APPL1: variants seen among roughly 807,000 people sequenced by gnomAD.
The protein encoded by APPL1 is DCC-interacting protein 13-alpha.
Under a neutral mutation model 106.8 loss-of-function variants are expected in APPL1, and 42 were observed. The ratio of observed to expected loss-of-function variants is 0.39; its 90% CI spans 0.31 to 0.51. The LOEUF is 0.51. APPL1 is among the 20% of genes least tolerant of loss of function. The pLI, the probability that APPL1 is intolerant of heterozygous loss-of-function variation, is 0.75. For missense variants in APPL1, 769 were observed against 858.2 expected, an observed-to-expected ratio of 0.90 and a Z score of 1.30; for synonymous variants, 263 against 281.8, an observed-to-expected ratio of 0.93 and a Z score of 0.67.
intron 19 of APPL1, among the ~76,000 whole-genome samples, chr3:57,265,580 C>T (rs1283730065): frequency 1.3e-5 from 2 of 152,182 alleles, no homozygotes; most frequent in Admixed American, 1.3e-4. Context: ...TATAGAAATG[C>T]TACTAATTGT....
At chr3:57,229,750 G>C (rs914791953) in intron 1 of APPL1, among the ~76,000 whole-genome samples, 17 of 105,890 alleles carry the variant, frequency 1.6e-4, no homozygotes, top group African/African-American at 6.2e-4. Context: ...TTTTGCTCTT[G>C]TTGCCCAGGC....
At chr3:57,262,769 G>A (rs1424141941) in intron 19 of APPL1, among the ~76,000 whole-genome samples, 1 of 151,568 alleles carries the variant, frequency 6.6e-6, no homozygotes, top group Non-Finnish European at 1.5e-5. Context: ...CTAAAATGGT[G>A]AAAGTAGGAT....
rs532555535 is a variant in APPL1 at position 57,245,837 on chromosome 3, G to A, written c.475-239G>A. Among the ~76,000 whole-genome samples, 33 of 152,182 alleles carry A rather than the reference G, an allele frequency of 2.2e-4. 1 individual carries two copies. In the South Asian group the frequency reaches 6.8e-3, roughly 32 times the overall value. ...TGGGATTACAGGCATGAGCCACCAC[G>A]CCTGGGCTCAATGTGCATTTTGTAA... On this transcript the variant is annotated intron_variant, in intron 7 of 21. Coordinates refer to ENST00000288266, the MANE Select transcript of APPL1 (RefSeq NM_012096.3).
intron 19 of APPL1, among the ~76,000 whole-genome samples, chr3:57,264,574 A>T (rs994772329): frequency 1.5e-4 from 22 of 144,432 alleles, no homozygotes; most frequent in Admixed American, 4.6e-4. Context: ...AAAAAAAAAT[A>T]AAAAAAATAA....
In APPL1 at chr3:57,247,443, G is replaced by C; in HGVS notation, c.670G>C (p.Glu224Gln). ...TGAAAATCTTAATGAACAACTGGAA[G>C]AATTTTTAGCTAATATTGGAACAAG... is the stretch of plus-strand genomic sequence containing the variant. ...GSENLNEQLE[E>Q]FLANIGTSVQ... Residue 224 changes from glutamate (E) to glutamine (Q), a missense_variant, in exon 9 of 22, where the codon GAA becomes CAA. Transcript: ENST00000288266. 6.2e-7 allele frequency: 1 copy of C among 1,611,282 alleles called. No homozygotes were observed. The highest frequency in any genetic ancestry group is 8.5e-7 in the Non-Finnish European group (1 of 1,178,148).
At chr3:57,253,764 A>G in intron 13 of APPL1, 26 bp downstream of exon 13, 2 of 1,374,984 alleles carry the variant, frequency 1.5e-6, no homozygotes, top group Non-Finnish European at 1.9e-6. Flanking sequence ...TATGTTACCC[A>G]GATCTAGCAA....
At chr3:57,238,847 T>C (rs2060730567) in intron 4 of APPL1, among the ~76,000 whole-genome samples, 1 of 152,240 alleles carries the variant, frequency 6.6e-6, no homozygotes, top group Non-Finnish European at 1.5e-5. Context: ...CACAGTGCTA[T>C]GCAACCATAA....
At chr3:57,261,095 C>T (rs1355403999) in intron 19 of APPL1, among the ~76,000 whole-genome samples, 1 of 150,224 alleles carries the variant, frequency 6.7e-6, no homozygotes, top group Admixed American at 6.6e-5. Flanking sequence ...AGCTTTTCTT[C>T]ATCCTCCCCC....
chr3:57,233,914 A>G (rs951331745), intron 1 of APPL1, among the ~76,000 whole-genome samples: 1 of 152,044 alleles, frequency 6.6e-6, no homozygotes, highest in Non-Finnish European at 1.5e-5. Context: ...AGACCCTGTC[A>G]CTACAAAAAA....
At chr3:57,261,432 A>G (rs944140184) in intron 19 of APPL1, among the ~76,000 whole-genome samples, 10 of 152,218 alleles carry the variant, frequency 6.6e-5, no homozygotes, top group African/African-American at 1.9e-4. Flanking sequence ...GAGTGCAGGT[A>G]TCCTTTTGAT....
chr3:57,267,829 C>T, intron 20 of APPL1, 37 bp downstream of exon 20: 1 of 1,607,164 alleles, frequency 6.2e-7, no homozygotes, highest in Non-Finnish European at 8.5e-7. Context: ...CAGTGGTTCA[C>T]ACCTGTAATC....
chr3:57,267,843 G>A, intron 20 of APPL1, 51 bp downstream of exon 20: 2 of 1,593,608 alleles, frequency 1.3e-6, no homozygotes, highest in Non-Finnish European at 1.7e-6. Flanking sequence ...TGTAATCGCA[G>A]CACATTGGGA....
At position 57,269,482 on chromosome 3, in the gene APPL1, A is replaced by C. The variant is rs1579409218; in HGVS notation, c.1984-59A>C. 9 of 1,590,122 alleles carry C rather than the reference A, an allele frequency of 5.7e-6. No homozygotes were observed. In the East Asian group the frequency reaches 1.8e-4, roughly 32 times the overall value. The stretch of plus-strand genomic sequence containing the variant: ...GCTCTCAAGAATGTATCTTAACTGC[A>C]TAATTTGCCATTTGACTGCAGACAA... On this transcript the variant is annotated intron_variant, in intron 21 of 21. Transcript: ENST00000288266.
At chr3:57,237,195 AT>A (rs1432467475) in intron 2 of APPL1, among the ~76,000 whole-genome samples, 1 of 152,136 alleles carries the variant, frequency 6.6e-6, no homozygotes, top group Non-Finnish European at 1.5e-5. Context: ...TGCTCTAAAG[AT>A]TTTGCTAAGG....
intron 10 of APPL1, 84 bp from the exon 11 acceptor site, chr3:57,249,276 G>GT: frequency 1.4e-6 from 2 of 1,449,162 alleles, no homozygotes; most frequent in Non-Finnish European, 1.9e-6. Context: ...CCAGTTCATT[G>GT]TAACATGCTT....
At chr3:57,256,396 A>C (rs1301422433) in intron 13 of APPL1, among the ~76,000 whole-genome samples, 1 of 152,170 alleles carries the variant, frequency 6.6e-6, no homozygotes, top group East Asian at 1.9e-4. Context: ...AAGCTTTCTT[A>C]TTTTCAATTT....
At chr3:57,235,775 T>C (rs1357913932) in intron 2 of APPL1, 111 bp downstream of exon 2, 1 of 645,372 alleles carries the variant, frequency 1.5e-6, no homozygotes, top group African/African-American at 1.8e-5. Flanking sequence ...GTTAGGCTCA[T>C]AGTAATAAAT....
chr3:57,265,315 AATTTTTGT>A (rs890362405), intron 19 of APPL1, among the ~76,000 whole-genome samples: 124 of 151,926 alleles, frequency 8.2e-4, no homozygotes, highest in African/African-American at 2.8e-3. Context: ...CCACCTGGCT[AATTTTTGT>A]ATTTTTAGTA....
At chr3:57,263,346 A>G (rs2060877650) in intron 19 of APPL1, among the ~76,000 whole-genome samples, 1 of 151,830 alleles carries the variant, frequency 6.6e-6, no homozygotes, top group Non-Finnish European at 1.5e-5. Context: ...ATCAAATACC[A>G]GGTTTTATTC....
Sources: gnomAD v4.1 joint callset for allele counts (sites outside exome capture counted in the v4.1 genomes callset) on GRCh38, gnomAD v4.1.1 for gene constraint, MANE v1.5 for transcripts, NCBI Gene and HGNC (gene_info 2026-07-23, HGNC 2026-07-21) for gene names.